The following CD200R1L variants were observed in gnomAD, a reference collection of about 807,000 sequenced individuals.
The protein encoded by CD200R1L is CD200 receptor 1 like.
CD200R1L carries 14 observed loss-of-function variants against 24.8 expected under a neutral mutation model. The ratio of observed to expected loss-of-function variants is 0.56; its 90% CI spans 0.37 to 0.88. The LOEUF is 0.88. Among genes scored for constraint, CD200R1L ranks in the 40% least tolerant of loss-of-function variants. CD200R1L has a pLI of 0.00. For missense variants in CD200R1L, 299 were observed against 297.8 expected, an observed-to-expected ratio of 1.00 and a Z score of -0.03; for synonymous variants, 111 against 109.2, an observed-to-expected ratio of 1.02 and a Z score of -0.11.
intron 4 of CD200R1L, 142 bp from the exon 5 acceptor site, chr3:112,827,826 A>G (rs1938704873): frequency 2.6e-6 from 2 of 756,428 alleles, no homozygotes; most frequent in East Asian, 2.7e-5. Flanking sequence ...GACTTAGGTA[A>G]GAAAATAACA....
intron 6 of CD200R1L, among the ~76,000 whole-genome samples, chr3:112,825,186 C>G (rs1446436777): frequency 1.3e-5 from 2 of 151,308 alleles, no homozygotes; most frequent in Non-Finnish European, 2.9e-5. Flanking sequence ...TTGCAGTGAG[C>G]CGAGATTGCA....
rs572324262 is a variant in CD200R1L, at chr3:112,827,260, G to GA, written c.368-20dup. ...GGTGTAACTGCAGAGAGGAAAGAGG[G>GA]AAAAAAATGCTTCAGTTTTCACATA... On this transcript the variant is annotated intron_variant, in intron 5 of 7. Coordinates refer to ENST00000488794, the MANE Select transcript of CD200R1L (RefSeq NM_001199215.3). 9,143 of 1,590,516 alleles carry GA rather than the reference G, an allele frequency of 5.7e-3. 40 individuals carry two copies. Among genetic ancestry groups the GA allele is most frequent in the Non-Finnish European group, 7.3e-3 (8,551 of 1,169,398 alleles).
At chr3:112,835,581 G>T (rs937139270) in intron 3 of CD200R1L, among the ~76,000 whole-genome samples, 1 of 152,240 alleles carries the variant, frequency 6.6e-6, no homozygotes, top group Non-Finnish European at 1.5e-5. Context: ...CAGCACCAAG[G>T]CTTCAGGCCT....
chr3:112,835,384 T>C (rs895254936), intron 3 of CD200R1L, among the ~76,000 whole-genome samples: 12 of 152,096 alleles, frequency 7.9e-5, no homozygotes, highest in Non-Finnish European at 1.8e-4. Context: ...GGGCAGGTGC[T>C]CTCTACAGGC....
intron 2 of CD200R1L, among the ~76,000 whole-genome samples, chr3:112,843,093 C>T (rs1939119350): frequency 6.6e-6 from 1 of 152,098 alleles, no homozygotes; most frequent in Admixed American, 6.5e-5. Flanking sequence ...TCCTGGTAAC[C>T]TAAACTTTGC....
At chr3:112,844,072 G>A (rs1114404) in intron 2 of CD200R1L, among the ~76,000 whole-genome samples, 61,207 of 152,022 alleles carry the variant, frequency 0.4, 12,603 homozygotes, top group East Asian at 0.57. Flanking sequence ...TTCTAATCCT[G>A]TGGAAAGACT....
intron 2 of CD200R1L, among the ~76,000 whole-genome samples, chr3:112,845,133 G>A (rs543902548): frequency 6.6e-6 from 1 of 151,846 alleles, no homozygotes; most frequent in East Asian, 1.9e-4. Flanking sequence ...GGTCAATAGA[G>A]TACTAGCTGG....
intron 6 of CD200R1L, among the ~76,000 whole-genome samples, chr3:112,825,082 C>T (rs1271286213): frequency 6.6e-6 from 1 of 151,476 alleles, no homozygotes; most frequent in Non-Finnish European, 1.5e-5. Context: ...CAAAAAAATA[C>T]AAAAAAATTA....
At position 112,827,470 on chromosome 3, in the gene CD200R1L, G is replaced by T. The variant is rs1187466192; in HGVS notation, c.264C>A (p.Asp88Glu). 1.2e-6 allele frequency: 2 copies of T among 1,614,128 alleles called. No homozygotes were observed. The highest frequency in any genetic ancestry group is 2.2e-5 in the East Asian group (1 of 44,882). Reference protein sequence around the residue: ...TWVSRPDQNSDLQIRPVDTTH... With the variant: ...TWVSRPDQNSELQIRPVDTTH... Reference sequence around the variant, plus strand: ...TGGTGTCCACCGGACGAATCTGAAGGTCCGAATTCTGATCAGGTCTAGAGA... The same window carrying T: ...TGGTGTCCACCGGACGAATCTGAAGTTCCGAATTCTGATCAGGTCTAGAGA... Residue 88 changes from aspartate (D) to glutamate (E), a missense_variant, in exon 5 of 8, where the codon GAC becomes GAA. Transcript: ENST00000488794.
At chr3:112,842,051 G>T (rs531691919) in intron 2 of CD200R1L, among the ~76,000 whole-genome samples, 1 of 152,106 alleles carries the variant, frequency 6.6e-6, no homozygotes, top group African/African-American at 2.4e-5. Flanking sequence ...GGATCTCCAC[G>T]GCCCACAACA....
At chr3:112,821,015 C>T (rs1366543345) in intron 6 of CD200R1L, among the ~76,000 whole-genome samples, 2 of 150,790 alleles carry the variant, frequency 1.3e-5, no homozygotes, top group Admixed American at 6.6e-5. Context: ...TGAGATTGCA[C>T]CACTGCACTC....
rs753819964 is a variant in CD200R1L at position 112,827,042 on chromosome 3, A to C, written c.567T>G (p.His189Gln). 6.2e-7 allele frequency: 1 copy of C among 1,611,042 alleles called. No homozygotes were observed. The highest frequency in any genetic ancestry group is 1.3e-5 in the African/African-American group (1 of 74,734). The change falls in exon 6 of 8, where the codon CAT becomes CAG. Residue 189 changes from histidine to glutamine, a missense_variant. Coordinates refer to ENST00000488794, the MANE Select transcript of CD200R1L (RefSeq NM_001199215.3). ...WEGHKSTVTC[H>Q]VSHLTGNKSL... ...TCTTGTTGCCAGTCAAATGGGAGAC[A>C]TGGCAGGTCACAGTAGACTTGTGGC... is the stretch of plus-strand genomic sequence containing the variant.
In CD200R1L at chr3:112,829,239, G is replaced by A. The variant is rs1190776419; in HGVS notation, c.49+80C>T. 2.7e-6 allele frequency: 3 copies of A among 1,117,640 alleles called. No homozygotes were observed. The Admixed American group carries it at 5.2e-5, about 20-fold the overall frequency. The allele number at this position is 1,117,640 out of a possible 1,614,324, so 69.2% of individuals were successfully genotyped here. A position where few individuals can be genotyped will look rare whatever the true frequency, so the allele number is the denominator to read the frequency against. On this transcript the variant is annotated intron_variant, in intron 4 of 7. Coordinates refer to ENST00000488794, the MANE Select transcript of CD200R1L (RefSeq NM_001199215.3). ...CAAGTAGTCACAAGGCTGGCCTCCA[G>A]CCAGGCCATCAGCTAATGATTCTAC...
At chr3:112,816,726 A>T (rs930562409) in intron 7 of CD200R1L, among the ~76,000 whole-genome samples, 4 of 152,190 alleles carry the variant, frequency 2.6e-5, no homozygotes, top group African/African-American at 9.7e-5. Flanking sequence ...TCCCATAATC[A>T]ATTCCATAAT....
At chr3:112,842,879 T>C (rs1030858269) in intron 2 of CD200R1L, among the ~76,000 whole-genome samples, 11 of 152,212 alleles carry the variant, frequency 7.2e-5, no homozygotes, top group African/African-American at 2.7e-4. Context: ...AAGATGTTTA[T>C]CAAGACAATA....
chr3:112,818,110 T>C (rs1232221516), intron 7 of CD200R1L, among the ~76,000 whole-genome samples: 2 of 152,206 alleles, frequency 1.3e-5, no homozygotes, highest in African/African-American at 2.4e-5. Flanking sequence ...GGAGATACAA[T>C]TCAAGTTGAG....
At chr3:112,834,431 A>G (rs1281670775) in intron 3 of CD200R1L, among the ~76,000 whole-genome samples, 1 of 152,122 alleles carries the variant, frequency 6.6e-6, no homozygotes, top group African/African-American at 2.4e-5. Flanking sequence ...TAGGGGAGAT[A>G]CTTCTACCAG....
At chr3:112,816,836 A>G (rs1288409106) in intron 7 of CD200R1L, among the ~76,000 whole-genome samples, 7 of 152,164 alleles carry the variant, frequency 4.6e-5, no homozygotes, top group African/African-American at 1.7e-4. Flanking sequence ...TTCTCATGGT[A>G]GTGAATAAGT....
chr3:112,823,881 C>G (rs530743838), intron 6 of CD200R1L, among the ~76,000 whole-genome samples: 1 of 152,102 alleles, frequency 6.6e-6, no homozygotes, highest in Admixed American at 6.5e-5. Context: ...CAAAGAGGCC[C>G]ACATGCATGG....
Sources: gnomAD v4.1 joint callset for allele counts (sites outside exome capture counted in the v4.1 genomes callset) on GRCh38, gnomAD v4.1.1 for gene constraint, MANE v1.5 for transcripts, NCBI Gene and HGNC (gene_info 2026-07-23, HGNC 2026-07-21) for gene names.